Variants in FDFT1 observed in about 807,000 individuals in gnomAD.
FDFT1 encodes squalene synthase.
A neutral mutation model predicts 46.8 loss-of-function variants in FDFT1; 68 were observed. The observed-to-expected ratio is 1.45, with a 90% CI of 1.19 to 1.78. The LOEUF (loss-of-function observed/expected upper bound fraction) is 1.78, where lower values mean the gene tolerates loss of function less well. FDFT1 is among the 40% of genes most tolerant of loss of function. The pLI is 0.00. For synonymous variants in FDFT1, 351 were observed against 185.1 expected (o/e 1.90, Z -7.28); for missense variants, 928 against 524.4 (o/e 1.77, Z -7.52).
Position 11,802,770 on chromosome 8 carries a change from C to A in FDFT1, c.-63C>A, listed in dbSNP as rs995991429. 3 of 1,334,834 alleles carry A rather than the reference C, an allele frequency of 2.2e-6. No homozygotes were observed. Among genetic ancestry groups the A allele is most frequent in the Admixed American group, 1.9e-5 (1 of 51,964 alleles). The allele number at this position is 1,334,834 out of a possible 1,614,324, so 82.7% of individuals were successfully genotyped here. On this transcript the variant is annotated 5_prime_UTR_variant, in exon 1 of 8. Coordinates refer to ENST00000220584, the MANE Select transcript of FDFT1 (RefSeq NM_004462.5). ...CACCTACTCCACAGGTCCAGCCGGCCGGTGAGCGCCTGGGGACCGCAGAGG... is the reference window on the plus strand; with the variant it reads ...CACCTACTCCACAGGTCCAGCCGGCAGGTGAGCGCCTGGGGACCGCAGAGG...
chr8:11,833,231 G>A (rs938032044), intron 7 of FDFT1, among the ~76,000 whole-genome samples: 1 of 152,098 alleles, frequency 6.6e-6, no homozygotes, highest in Non-Finnish European at 1.5e-5. Context: ...TGATCTATGT[G>A]CCTGGGGTAG....
At chr8:11,801,418 C>G (rs959237208), upstream of FDFT1, among the ~76,000 whole-genome samples, 3 of 152,224 alleles carry the variant, frequency 2.0e-5, no homozygotes, top group Non-Finnish European at 2.9e-5. Flanking sequence ...CTCCTGTGTT[C>G]AAGCGATTCT....
intron 7 of FDFT1, among the ~76,000 whole-genome samples, chr8:11,832,634 G>C (rs943646690): frequency 1.1e-4 from 17 of 148,492 alleles, no homozygotes; most frequent in African/African-American, 3.7e-4. Context: ...TAGAGCAGTG[G>C]TTTGTAAATG....
rs769598382 is a variant in FDFT1 at position 11,809,795 on chromosome 8, G to A, written c.326G>A (p.Trp109Ter). ...NFHSFLYQPD[W>*]RFMESKEKDR... ...CACTCTTTCCTTTACCAACCAGACTGGCGGTTCATGGAGAGCAAGGAGAAG... is the reference window on the plus strand; with the variant it reads ...CACTCTTTCCTTTACCAACCAGACTAGCGGTTCATGGAGAGCAAGGAGAAG... Residue 109 changes from tryptophan to a stop codon, truncating the protein, a stop_gained, in exon 3 of 8, where the codon TGG becomes TAG. Coordinates refer to ENST00000220584, the MANE Select transcript of FDFT1 (RefSeq NM_004462.5). LOFTEE classifies it high-confidence loss of function. The A allele has an allele frequency of 3.7e-6, 6 of 1,614,170 alleles. No individual in the cohort carries two copies. Among genetic ancestry groups the A allele is most frequent in the Non-Finnish European group, 5.1e-6 (6 of 1,180,022 alleles).
intron 2 of FDFT1, chr8:11,809,298 G>C: frequency 9.1e-7 from 1 of 1,093,912 alleles, no homozygotes; most frequent in Non-Finnish European, 1.1e-6. Context: ...CTTTATGTAT[G>C]ATCGTATTTA....
At chr8:11,808,704 C>G in intron 1 of FDFT1, 90 bp from the exon 2 acceptor site, 1 of 1,406,184 alleles carries the variant, frequency 7.1e-7, no homozygotes, top group South Asian at 1.3e-5. Flanking sequence ...GAGCCGCCTG[C>G]CCCAGTCCCA....
intron 7 of FDFT1, among the ~76,000 whole-genome samples, chr8:11,837,101 T>A (rs914533252): frequency 1.3e-5 from 2 of 152,244 alleles, no homozygotes; most frequent in Admixed American, 6.5e-5. Flanking sequence ...AGTTGAGACT[T>A]GGGGGCCTAG....
chr8:11,806,159 C>G lies in FDFT1; in HGVS notation c.100-2635C>G, dbSNP rs529249899. 2.6e-5 allele frequency among the ~76,000 whole-genome samples: 4 copies of G among 152,206 alleles called. No homozygotes were observed. The East Asian group carries it at 5.8e-4, about 22-fold the overall frequency. On this transcript the variant is annotated intron_variant, in intron 1 of 7. Coordinates refer to ENST00000220584, the MANE Select transcript of FDFT1 (RefSeq NM_004462.5). ...CCCCTTCCTGGGAGTCTGGTCTTGT[C>G]GTCTTCCTGACCACCCCCACACCCT...
intron 1 of FDFT1, chr8:11,808,232 G>A (rs1807129798): frequency 2.5e-6 from 3 of 1,188,360 alleles, no homozygotes; most frequent in East Asian, 3.6e-5. Context: ...CCCGAGTAGA[G>A]TTTGGTCTAG....
chr8:11,808,433 G>C, intron 1 of FDFT1: 1 of 1,268,674 alleles, frequency 7.9e-7, no homozygotes, highest in South Asian at 3.1e-5. Context: ...TCGAGTAGAG[G>C]GCGAGCCCGT....
chr8:11,805,173 T>C (rs1203937325), intron 1 of FDFT1, among the ~76,000 whole-genome samples: 1 of 150,216 alleles, frequency 6.7e-6, no homozygotes, highest in African/African-American at 2.5e-5. Context: ...CACCTCAGCC[T>C]TCAAAGTGCT....
intron 7 of FDFT1, among the ~76,000 whole-genome samples, chr8:11,834,540 C>A (rs1811279993): frequency 6.6e-6 from 1 of 152,220 alleles, no homozygotes; most frequent in African/African-American, 2.4e-5. Context: ...CCCCAGCCAG[C>A]AGCTGCCAGG....
rs777954916 is a variant in FDFT1 at position 11,838,729 on chromosome 8, G to A, written c.*120G>A. 1 of 813,904 alleles carries A rather than the reference G, an allele frequency of 1.2e-6. No homozygotes were observed. 50.4% of individuals were successfully genotyped at this position (813,904 alleles called of 1,614,324 possible). On this transcript the variant is annotated 3_prime_UTR_variant, in exon 8 of 8. Coordinates refer to ENST00000220584, the MANE Select transcript of FDFT1 (RefSeq NM_004462.5). Reference sequence around the variant, plus strand: ...ACTTTAATCCCTAAAAGAACGCTGTGTGGCTGGGACCTTTAGGAAAGTGAA... The same window carrying A: ...ACTTTAATCCCTAAAAGAACGCTGTATGGCTGGGACCTTTAGGAAAGTGAA...
At chr8:11,816,904 G>T (rs180733253) in intron 3 of FDFT1, among the ~76,000 whole-genome samples, 1 of 152,310 alleles carries the variant, frequency 6.6e-6, no homozygotes, top group East Asian at 1.9e-4. Context: ...CCAATACTGT[G>T]TTGAATAGGA....
intron 4 of FDFT1, among the ~76,000 whole-genome samples, chr8:11,825,807 C>T (rs956719974): frequency 2.0e-5 from 3 of 151,934 alleles, no homozygotes; most frequent in East Asian, 1.9e-4. Context: ...AAAATAAAAA[C>T]ATCAAATTCC....
chr8:11,808,284 T>C (rs2130711436), intron 1 of FDFT1: 2 of 1,221,626 alleles, frequency 1.6e-6, no homozygotes, highest in East Asian at 3.2e-5. Context: ...CGCTCGGAAG[T>C]GCGCTGGGTT....
At position 11,820,009 on chromosome 8, in the gene FDFT1, G is replaced by C. The variant is rs561407734; in HGVS notation, c.382-1741G>C. ...TATCTACCTTTGGTCTTTGATTTTGGTGACGTACAGATGGGTTTTGGTGTG... is the reference window on the plus strand; with the variant it reads ...TATCTACCTTTGGTCTTTGATTTTGCTGACGTACAGATGGGTTTTGGTGTG... On this transcript the variant is annotated intron_variant, in intron 3 of 7. Coordinates refer to ENST00000220584, the MANE Select transcript of FDFT1 (RefSeq NM_004462.5). 5.1e-4 allele frequency among the ~76,000 whole-genome samples: 77 copies of C among 152,200 alleles called. 2 individuals carry two copies. In the South Asian group the frequency reaches 0.015, roughly 29 times the overall value.
intron 1 of FDFT1, chr8:11,808,563 C>T: frequency 3.7e-6 from 5 of 1,366,280 alleles, no homozygotes; most frequent in African/African-American, 3.1e-5. Flanking sequence ...CCTCTTCAAG[C>T]GCACCTTGGT....
exon 1 of FDFT1, chr8:11,795,620 T>C (rs1011203978): frequency 6.6e-6 from 1 of 150,956 alleles, no homozygotes; most frequent in Non-Finnish European, 1.5e-5. Flanking sequence ...CTTGGGAAGC[T>C]TTGTTGTTTG....
Sources: gnomAD v4.1 joint callset for allele counts (sites outside exome capture counted in the v4.1 genomes callset) on GRCh38, gnomAD v4.1.1 for gene constraint, MANE v1.5 for transcripts, NCBI Gene and HGNC (gene_info 2026-07-23, HGNC 2026-07-21) for gene names.